Variants in RASGEF1B observed in about 807,000 individuals in gnomAD.
RASGEF1B encodes ras-GEF domain-containing family member 1B.
In RASGEF1B, 30 loss-of-function variants were observed where a neutral mutation model predicts 65.7. That is an observed-to-expected ratio of 0.46 (90% CI 0.34 to 0.62). RASGEF1B has a LOEUF of 0.62. RASGEF1B is among the 20% of genes least tolerant of loss of function. The pLI is 0.01. For missense variants in RASGEF1B, 495 were observed against 580.1 expected, an observed-to-expected ratio of 0.85 and a Z score of 1.51; for synonymous variants, 175 against 194.8, an observed-to-expected ratio of 0.90 and a Z score of 0.85.
chr4:81,471,112 T>G (rs937324953), intron 1 of RASGEF1B: 12 of 152,084 alleles, frequency 7.9e-5, no homozygotes, highest in Non-Finnish European at 1.2e-4. Flanking sequence ...CTCCCAAGTT[T>G]GCCAGGTGAA....
chr4:81,442,199 C>T (rs764085240), intron 9 of RASGEF1B, 98 bp downstream of exon 9: 73 of 798,446 alleles, frequency 9.1e-5, no homozygotes, highest in Non-Finnish European at 1.4e-4. Flanking sequence ...TGGGCTTTTT[C>T]CTCTGTCGTA....
chr4:81,436,037 C>T (rs559723992), intron 10 of RASGEF1B, among the ~76,000 whole-genome samples: 1 of 152,196 alleles, frequency 6.6e-6, no homozygotes, highest in South Asian at 2.1e-4. Flanking sequence ...TTATCTCAGC[C>T]TCCCAAAGTG....
intron 4 of RASGEF1B, among the ~76,000 whole-genome samples, chr4:81,448,577 T>A (rs180706649): frequency 6.6e-6 from 1 of 152,292 alleles, no homozygotes; most frequent in African/African-American, 2.4e-5. Flanking sequence ...GAATCCAGTA[T>A]AATGAGTACT....
chr4:81,457,783 C>G (rs781643027), intron 2 of RASGEF1B, among the ~76,000 whole-genome samples, 162 bp from the exon 3 acceptor site: 52 of 152,266 alleles, frequency 3.4e-4, no homozygotes, highest in Admixed American at 1.2e-3. Context: ...GTTAATTTCT[C>G]CTTTACCTTC....
chr4:81,430,491 A>T (rs1284460916), intron 13 of RASGEF1B, among the ~76,000 whole-genome samples: 2 of 152,208 alleles, frequency 1.3e-5, no homozygotes, highest in Admixed American at 1.3e-4. Flanking sequence ...GCCTTGTAAT[A>T]CAGGCCCACT....
Position 81,445,530 on chromosome 4 carries a change from T to G in RASGEF1B, c.924A>C (p.Ile308=). 1.3e-6 allele frequency: 2 copies of G among 1,597,532 alleles called. No homozygotes were observed. The highest frequency in any genetic ancestry group is 1.7e-6 in the Non-Finnish European group (2 of 1,165,210). The change falls in exon 8 of 14, where the codon ATA becomes ATC. Residue 308 remains isoleucine (I), a synonymous_variant. Coordinates refer to ENST00000264400, the MANE Select transcript of RASGEF1B (RefSeq NM_152545.3). ...NIGNFNSLMA[I]ISGMNMSPVS... ...TATCCTCCACAAAATACTCACAGAT[T>G]ATCGCCATCAAGGAGTTGAAGTTGC...
intron 4 of RASGEF1B, among the ~76,000 whole-genome samples, chr4:81,449,721 C>T (rs1236875870): frequency 6.6e-6 from 1 of 152,112 alleles, no homozygotes; most frequent in Non-Finnish European, 1.5e-5. Context: ...AATTAAGTGG[C>T]ATTTACCTAC....
At chr4:81,435,646 T>G (rs1436363649) in intron 10 of RASGEF1B, among the ~76,000 whole-genome samples, 2 of 148,428 alleles carry the variant, frequency 1.3e-5, no homozygotes, top group African/African-American at 2.5e-5. Flanking sequence ...TTTTTTTTTT[T>G]TGTATTTTTT....
At position 81,429,912 on chromosome 4, in the gene RASGEF1B, G is replaced by A. The variant is rs182458128; in HGVS notation, c.1398-2120C>T. ...CCACTTACTGGCGGGACGAGGCGAA[G>A]TTTGGCAGGCGCAGTCGGAGGAGAG... is the stretch of plus-strand genomic sequence containing the variant. On this transcript the variant is annotated intron_variant, in intron 13 of 13. Transcript: ENST00000264400. 3.8e-3 allele frequency among the ~76,000 whole-genome samples: 586 copies of A among 152,340 alleles called. 1 individual carries two copies. The highest frequency in any genetic ancestry group is 6.4e-3 in the Non-Finnish European group (433 of 68,024).
intron 1 of RASGEF1B, among the ~76,000 whole-genome samples, chr4:81,469,725 C>T (rs1214454461): frequency 6.6e-6 from 1 of 151,856 alleles, no homozygotes; most frequent in Non-Finnish European, 1.5e-5. Flanking sequence ...GGAGACAATA[C>T]ATGGGAATGC....
chr4:81,451,723 G>A (rs529295232), intron 4 of RASGEF1B: 1 of 152,318 alleles, frequency 6.6e-6, no homozygotes, highest in African/African-American at 2.4e-5. Context: ...ACACAGGCAT[G>A]AGACATGCAC....
intron 13 of RASGEF1B, among the ~76,000 whole-genome samples, chr4:81,428,972 C>A (rs183796384): frequency 1.8e-3 from 275 of 152,354 alleles, no homozygotes; most frequent in Non-Finnish European, 3.2e-3. Flanking sequence ...CCTTGGCCAA[C>A]ACCTGCGATA....
chr4:81,435,461 C>T (rs1578613359), intron 10 of RASGEF1B, among the ~76,000 whole-genome samples: 2 of 134,700 alleles, frequency 1.5e-5, no homozygotes, highest in Admixed American at 7.4e-5. Flanking sequence ...TTGCAGGCAC[C>T]GATTTTTTTT....
In RASGEF1B at chr4:81,459,457, G is replaced by T. The variant is rs547905973; in HGVS notation, c.52C>A (p.Arg18=). The part of the protein sequence containing the change: ...SAMFDSSGYN[R]NLYQSAEDSC... The stretch of plus-strand genomic sequence containing the variant: ...TCCTCTGCAGACTGATAGAGGTTTC[G>T]ATTGTAACCACTGCTGTCAAACATT... Residue 18 remains arginine, a synonymous_variant, in exon 2 of 14, where the codon CGA becomes AGA. Transcript: ENST00000264400. The T allele has an allele frequency of 1.2e-5, 20 of 1,611,580 alleles. No individual in the cohort carries two copies. Among genetic ancestry groups the T allele is most frequent in the South Asian group, 5.5e-5 (5 of 90,446 alleles).
rs904490088 is a variant in RASGEF1B at position 81,452,804 on chromosome 4, C to T, written c.438+3847G>A. Reference sequence around the variant, plus strand: ...AGAGAAAATTGCATTCTACTCACTACAGTCATTTGTCATGTAATTCAATCA... The same window carrying T: ...AGAGAAAATTGCATTCTACTCACTATAGTCATTTGTCATGTAATTCAATCA... On this transcript the variant is annotated intron_variant, in intron 4 of 13. Coordinates refer to ENST00000264400, the MANE Select transcript of RASGEF1B (RefSeq NM_152545.3). 3.9e-5 allele frequency: 6 copies of T among 152,320 alleles called. No individual in the cohort carries two copies. In the East Asian group the frequency reaches 9.6e-4, roughly 24 times the overall value. The allele number at this position is 152,320 out of a possible 1,614,324, so 9.4% of individuals were successfully genotyped here.
Sources: gnomAD v4.1 joint callset for allele counts (sites outside exome capture counted in the v4.1 genomes callset) on GRCh38, gnomAD v4.1.1 for gene constraint, MANE v1.5 for transcripts, NCBI Gene and HGNC (gene_info 2026-07-23, HGNC 2026-07-21) for gene names.